CEP152: variants seen among roughly 807,000 people sequenced by gnomAD.
The protein encoded by CEP152 is centrosomal protein of 152 kDa.
A neutral mutation model predicts 188.9 loss-of-function variants in CEP152; 132 were observed. The ratio of observed to expected loss-of-function variants is 0.70; its 90% CI spans 0.61 to 0.81. The LOEUF (loss-of-function observed/expected upper bound fraction) is 0.81, where lower values mean the gene tolerates loss of function less well. CEP152 is among the 30% of genes least tolerant of loss of function. The pLI, the probability that CEP152 is intolerant of heterozygous loss-of-function variation, is 0.00. For synonymous variants in CEP152, 649 were observed against 666.6 expected (o/e 0.97, Z 0.41); for missense variants, 1,914 against 1,969.8 (o/e 0.97, Z 0.54).
At chr15:48,765,516 C>T (rs1894997090) in intron 17 of CEP152, 1 of 374,114 alleles carries the variant, frequency 2.7e-6, no homozygotes, top group African/African-American at 2.3e-5. Context: ...ATAGCAGATA[C>T]TAATTGTAAC....
At chr15:48,731,759 A>G (rs1327338134) in intron 2 of CEP152, among the ~76,000 whole-genome samples, 1 of 152,178 alleles carries the variant, frequency 6.6e-6, no homozygotes, top group Admixed American at 6.5e-5. Context: ...AACCTACAGA[A>G]TGGGAGAAAA....
At chr15:48,765,801 G>A (rs924864877) in intron 17 of CEP152, 26 of 313,250 alleles carry the variant, frequency 8.3e-5, no homozygotes, top group South Asian at 2.5e-5. Flanking sequence ...CTACAGGCGC[G>A]CACAACCATG....
At chr15:48,805,403 CT>C in intron 2 of CEP152, 159 bp downstream of exon 2, 1 of 904,980 alleles carries the variant, frequency 1.1e-6, no homozygotes, top group Non-Finnish European at 1.6e-6. Flanking sequence ...ACTTATTCAC[CT>C]TTTCAGTCTA....
chr15:48,770,300 T>A (rs1374170401), intron 13 of CEP152, among the ~76,000 whole-genome samples: 1 of 150,908 alleles, frequency 6.6e-6, no homozygotes, highest in African/African-American at 2.4e-5. Flanking sequence ...AAAATTGGAG[T>A]TTAGATGTAC....
chr15:48,784,224 C>T, intron 9 of CEP152, 104 bp from the exon 10 acceptor site: 1 of 1,130,110 alleles, frequency 8.8e-7, no homozygotes, highest in African/African-American at 1.5e-5. Flanking sequence ...AACACAAGAT[C>T]ATCACATGGG....
chr15:48,776,899 CT>C (rs1895952695), intron 12 of CEP152, among the ~76,000 whole-genome samples: 1 of 151,800 alleles, frequency 6.6e-6, no homozygotes, highest in Non-Finnish European at 1.5e-5. Context: ...GATTAAGTTA[CT>C]TTTGAAAAGA....
At chr15:48,765,635 A>ATT (rs1324483757) in intron 17 of CEP152, 3 of 305,960 alleles carry the variant, frequency 9.8e-6, no homozygotes, top group Non-Finnish European at 1.8e-5. Context: ...TGTTCTTGCC[A>ATT]ATTTTTTTTT....
chr15:48,788,579 A>G (rs893345000), intron 9 of CEP152, among the ~76,000 whole-genome samples: 2 of 151,332 alleles, frequency 1.3e-5, no homozygotes, highest in African/African-American at 4.9e-5. Flanking sequence ...TCCTGACCTC[A>G]GGTGATCCGC....
Position 48,758,976 on chromosome 15 carries a change from A to G in CEP152, c.2694+1159T>C, listed in dbSNP as rs187571224. On this transcript the variant is annotated intron_variant, in intron 19 of 26. Coordinates refer to ENST00000380950, the MANE Select transcript of CEP152 (RefSeq NM_001194998.2). ...TTTCTACATTGTACTCAACTTTACT[A>G]TTCTACTTGACTTCTGAGCTCTGAG... Among the ~76,000 whole-genome samples, 943 of 152,176 alleles carry G rather than the reference A, an allele frequency of 6.2e-3. 10 individuals carry two copies. Among genetic ancestry groups the G allele is most frequent in the African/African-American group, 0.022 (907 of 41,530 alleles).
intron 9 of CEP152, among the ~76,000 whole-genome samples, chr15:48,787,163 G>GTTCTTTTT (rs1896698258): frequency 9.9e-6 from 1 of 101,498 alleles, no homozygotes; most frequent in African/African-American, 3.7e-5. Flanking sequence ...TATAGCCTTC[G>GTTCTTTTT]TTTTTTTTTT....
Position 48,776,913 on chromosome 15 carries a change from T to C in CEP152, c.1578-4222A>G, listed in dbSNP as rs375798811. Among the ~76,000 whole-genome samples, 248 of 152,180 alleles carry C rather than the reference T, an allele frequency of 1.6e-3. 12 individuals carry two copies. In the South Asian group the frequency reaches 0.048, roughly 30 times the overall value. On this transcript the variant is annotated intron_variant, in intron 12 of 26. Coordinates refer to ENST00000380950, the MANE Select transcript of CEP152 (RefSeq NM_001194998.2). ...GGATTAAGTTACTTTTGAAAAGAAA[T>C]AAACAGTTGACAGTATCTGCCCTTA...
intron 18 of CEP152, among the ~76,000 whole-genome samples, chr15:48,760,802 G>C (rs1038449888): frequency 2.0e-5 from 3 of 151,862 alleles, no homozygotes; most frequent in African/African-American, 7.3e-5. Context: ...AATTATGAGG[G>C]TCATCTGGTT....
In CEP152 at chr15:48,744,480, T is replaced by C. The variant is rs1893260877; in HGVS notation, c.3732-137A>G. ...ATCTCATCTAGAACAATCTCCACTATACAGTTATTTAAAATAGGGGAAAAA... is the reference window on the plus strand; with the variant it reads ...ATCTCATCTAGAACAATCTCCACTACACAGTTATTTAAAATAGGGGAAAAA... On this transcript the variant is annotated intron_variant, in intron 23 of 26. Transcript: ENST00000380950. 5 of 1,420,744 alleles carry C rather than the reference T, an allele frequency of 3.5e-6. No homozygotes were observed. The African/African-American group carries it at 7.2e-5, about 21-fold the overall frequency. The allele number at this position is 1,420,744 out of a possible 1,614,324, so 88.0% of individuals were successfully genotyped here.
At chr15:48,766,502 C>T (rs998319086) in intron 17 of CEP152, among the ~76,000 whole-genome samples, 93 of 152,186 alleles carry the variant, frequency 6.1e-4, no homozygotes, top group African/African-American at 2.2e-3. Flanking sequence ...GGAGAATCTA[C>T]TCTAGCCCCT....
At position 48,793,568 on chromosome 15, in the gene CEP152, T is replaced by C. The variant is rs149745113; in HGVS notation, c.692-107A>G. On this transcript the variant is annotated intron_variant, in intron 6 of 26. Transcript: ENST00000380950. ...GTGACTACAACCTTTTAGAGCATCATGAAATCAATTCAGTGAATTGTGACT... is the reference window on the plus strand; with the variant it reads ...GTGACTACAACCTTTTAGAGCATCACGAAATCAATTCAGTGAATTGTGACT... 2.5e-4 allele frequency: 235 copies of C among 937,970 alleles called. No individual in the cohort carries two copies. The African/African-American group carries it at 3.0e-3, about 12-fold the overall frequency. The allele number at this position is 937,970 out of a possible 1,614,324, so 58.1% of individuals were successfully genotyped here. A position where few individuals can be genotyped will look rare whatever the true frequency, so the allele number is the denominator to read the frequency against.
intron 7 of CEP152, among the ~76,000 whole-genome samples, chr15:48,791,720 T>A (rs1896997980): frequency 6.6e-6 from 1 of 152,010 alleles, no homozygotes; most frequent in African/African-American, 2.4e-5. Context: ...TTTCACTATA[T>A]TGGCCAGGCT....
At chr15:48,789,287 A>C in intron 8 of CEP152, 1 of 463,860 alleles carries the variant, frequency 2.2e-6, no homozygotes, top group East Asian at 4.4e-5. Flanking sequence ...TGTGGCTATC[A>C]GGCACGGAAT....
At chr15:48,785,778 G>A (rs1896583158) in intron 9 of CEP152, among the ~76,000 whole-genome samples, 1 of 151,986 alleles carries the variant, frequency 6.6e-6, no homozygotes, top group Admixed American at 6.6e-5. Flanking sequence ...GTAGCTCAAT[G>A]TTTGCCATGA....
rs1478348 is a variant in CEP152, at chr15:48,756,768, G to C, written c.2695-215C>G. Reference sequence around the variant, plus strand: ...ATAAATATGTTTATATGTATGTATAGACACATAAACACTCACACATATAAT... The same window carrying C: ...ATAAATATGTTTATATGTATGTATACACACATAAACACTCACACATATAAT... On this transcript the variant is annotated intron_variant, in intron 19 of 26. Coordinates refer to ENST00000380950, the MANE Select transcript of CEP152 (RefSeq NM_001194998.2). 0.037 allele frequency among the ~76,000 whole-genome samples: 5,670 copies of C among 152,062 alleles called. 359 individuals are homozygous for C. Among genetic ancestry groups the C allele is most frequent in the East Asian group, 0.16 (802 of 5,164 alleles).
Sources: gnomAD v4.1 joint callset for allele counts (sites outside exome capture counted in the v4.1 genomes callset) on GRCh38, gnomAD v4.1.1 for gene constraint, MANE v1.5 for transcripts, NCBI Gene and HGNC (gene_info 2026-07-23, HGNC 2026-07-21) for gene names.